MYT1L: variants seen among roughly 807,000 people sequenced by gnomAD.
The protein encoded by MYT1L is myelin transcription factor 1-like protein.
Under a neutral mutation model 126.7 loss-of-function variants are expected in MYT1L, and 12 were observed. That is an observed-to-expected ratio of 0.09 (90% CI 0.06 to 0.15). MYT1L has a LOEUF of 0.15. MYT1L is among the 10% of genes least tolerant of loss of function. The pLI, the probability that MYT1L is intolerant of heterozygous loss-of-function variation, is 1.00. For synonymous variants in MYT1L, 541 were observed against 604.2 expected, an observed-to-expected ratio of 0.90 and a Z score of 1.53; for missense variants, 979 against 1,585.2, an observed-to-expected ratio of 0.62 and a Z score of 6.49.
chr2:1,931,791 C>T (rs1284662477), intron 9 of MYT1L, among the ~76,000 whole-genome samples: 6 of 152,078 alleles, frequency 3.9e-5, no homozygotes, highest in Non-Finnish European at 5.9e-5. Context: ...GCCTTTGCAT[C>T]GGCTGCTGTC....
At chr2:1,890,574 T>C (rs1033847514) in intron 15 of MYT1L, among the ~76,000 whole-genome samples, 1 of 151,840 alleles carries the variant, frequency 6.6e-6, no homozygotes. Context: ...TGCTTTGAAA[T>C]GCATCAATAA....
At chr2:2,138,854 A>C (rs993700186) in intron 3 of MYT1L, among the ~76,000 whole-genome samples, 1 of 151,694 alleles carries the variant, frequency 6.6e-6, no homozygotes, top group African/African-American at 2.4e-5. Flanking sequence ...TTAAAAAAAA[A>C]AAAAAAAGAA....
chr2:2,064,359 A>T (rs560409350), intron 3 of MYT1L, among the ~76,000 whole-genome samples: 1 of 152,170 alleles, frequency 6.6e-6, no homozygotes, highest in South Asian at 2.1e-4. Context: ...CCATCACAGT[A>T]AGGTTTGATG....
chr2:1,949,724 C>T (rs1357744856), intron 8 of MYT1L, among the ~76,000 whole-genome samples: 1 of 152,166 alleles, frequency 6.6e-6, no homozygotes, highest in Admixed American at 6.5e-5. Flanking sequence ...GTTATCACCG[C>T]CGTGGAGAGA....
chr2:2,209,511 G>A (rs1036005892), intron 2 of MYT1L, among the ~76,000 whole-genome samples: 2 of 152,066 alleles, frequency 1.3e-5, no homozygotes, highest in East Asian at 1.9e-4. Flanking sequence ...TTGTCTTTTC[G>A]TGCCTGGCTT....
chr2:1,799,260 G>A (rs1394957385), intron 23 of MYT1L, among the ~76,000 whole-genome samples: 1 of 152,264 alleles, frequency 6.6e-6, no homozygotes, highest in Admixed American at 6.5e-5. Flanking sequence ...AAAGGAGCCA[G>A]TGAGAACAGA....
Position 1,909,037 on chromosome 2 carries a change from T to C in MYT1L, c.1817+1203A>G, listed in dbSNP as rs192779115. Among the ~76,000 whole-genome samples the C allele has an allele frequency of 2.1e-3, 317 of 152,368 alleles. 1 individual carries two copies. The Middle Eastern group carries it at 0.024, about 11-fold the overall frequency. ...ACGTTAGAAGCTTCTTGGGATGTTA[T>C]GAAATAATACTCAAGAACAAAAAGG... is the stretch of plus-strand genomic sequence containing the variant. On this transcript the variant is annotated intron_variant, in intron 13 of 24. Coordinates refer to ENST00000647738, the MANE Select transcript of MYT1L (RefSeq NM_001303052.2).
intron 2 of MYT1L, among the ~76,000 whole-genome samples, chr2:2,237,638 G>A (rs951812480): frequency 2.0e-5 from 3 of 152,182 alleles, no homozygotes; most frequent in Non-Finnish European, 4.4e-5. Flanking sequence ...CAGAATGCCA[G>A]GGATGCCTCG....
chr2:2,135,462 T>G (rs2082927684), intron 3 of MYT1L, among the ~76,000 whole-genome samples: 1 of 152,222 alleles, frequency 6.6e-6, no homozygotes, highest in Non-Finnish European at 1.5e-5. Flanking sequence ...ATGTCTTTAT[T>G]AGCAGCATGA....
chr2:1,916,469 C>T (rs1281909233), intron 11 of MYT1L, among the ~76,000 whole-genome samples: 1 of 152,182 alleles, frequency 6.6e-6, no homozygotes, highest in Non-Finnish European at 1.5e-5. Flanking sequence ...TGTCTTTTCC[C>T]TGAACCATCA....
At chr2:1,959,930 T>C (rs35407957) in intron 8 of MYT1L, among the ~76,000 whole-genome samples, 14,287 of 152,290 alleles carry the variant, frequency 0.094, 1,219 homozygotes, top group African/African-American at 0.23. Context: ...TGCCATCCAT[T>C]GGCATGCAGC....
chr2:1,960,072 C>T (rs148434501), intron 8 of MYT1L, among the ~76,000 whole-genome samples: 15 of 152,196 alleles, frequency 9.9e-5, no homozygotes, highest in African/African-American at 1.2e-4. Flanking sequence ...ATGGAGCACA[C>T]GGGAGATGAA....
At chr2:1,818,134 T>C (rs1376384535) in intron 21 of MYT1L, among the ~76,000 whole-genome samples, 2 of 152,172 alleles carry the variant, frequency 1.3e-5, no homozygotes, top group African/African-American at 4.8e-5. Context: ...CTGGAGAACA[T>C]TACAGTTGGA....
At chr2:2,250,126 A>T (rs2094607921) in intron 2 of MYT1L, among the ~76,000 whole-genome samples, 1 of 152,190 alleles carries the variant, frequency 6.6e-6, no homozygotes, top group Non-Finnish European at 1.5e-5. Context: ...TTTCTGAAAA[A>T]AATAAAAATA....
At chr2:1,812,142 C>T (rs1372855352) in intron 21 of MYT1L, among the ~76,000 whole-genome samples, 1 of 152,186 alleles carries the variant, frequency 6.6e-6, no homozygotes, top group Non-Finnish European at 1.5e-5. Context: ...ACTCTGCAGT[C>T]AGGTGACTAC....
At chr2:2,241,716 T>C (rs935046745) in intron 2 of MYT1L, among the ~76,000 whole-genome samples, 5 of 152,244 alleles carry the variant, frequency 3.3e-5, no homozygotes, top group Non-Finnish European at 7.3e-5. Flanking sequence ...GCAGCACACG[T>C]GTCCACTGAC....
At chr2:1,856,369 G>A (rs934410267) in intron 18 of MYT1L, among the ~76,000 whole-genome samples, 14 of 152,206 alleles carry the variant, frequency 9.2e-5, no homozygotes, top group Non-Finnish European at 4.4e-5. Context: ...GTCATAAGAT[G>A]TGTCGGCTAA....
Position 1,886,566 on chromosome 2 carries a change from A to G in MYT1L, c.2684T>C (p.Met895Thr). ...GAGTTCTTGGGAGCTGGTGGCCAGC[A>G]TACTTCGAATGCTTTTGTCCGCCAG... ...CPLADKSIRS[M>T]LATSSQELKC... Residue 895 changes from methionine to threonine, a missense_variant, in exon 18 of 25, where the codon ATG (methionine) becomes ACG (threonine). Coordinates refer to ENST00000647738, the MANE Select transcript of MYT1L (RefSeq NM_001303052.2). 6.3e-7 allele frequency: 1 copy of G among 1,578,080 alleles called. No individual in the cohort carries two copies. The highest frequency in any genetic ancestry group is 8.6e-7 in the Non-Finnish European group (1 of 1,162,594).
chr2:1,824,018 C>G (rs2038955486), intron 21 of MYT1L, among the ~76,000 whole-genome samples: 1 of 152,272 alleles, frequency 6.6e-6, no homozygotes, highest in South Asian at 2.1e-4. Flanking sequence ...GCGGGGCCGC[C>G]GGGCAGAGGT....
Sources: allele counts gnomAD v4.1 joint callset (sites outside exome capture counted in the v4.1 genomes callset), GRCh38; gene constraint gnomAD v4.1.1; transcripts MANE v1.5; gene names NCBI Gene and HGNC (gene_info 2026-07-23, HGNC 2026-07-21).